Variants in ZFHX3 observed in about 807,000 individuals in gnomAD.
ZFHX3 encodes zinc finger homeobox protein 3.
ZFHX3 carries 42 observed loss-of-function variants against 279.1 expected under a neutral mutation model. The observed-to-expected ratio is 0.15, with a 90% CI of 0.12 to 0.19. The LOEUF (loss-of-function observed/expected upper bound fraction) is 0.19, where lower values mean the gene tolerates loss of function less well. ZFHX3 is among the 10% of genes least tolerant of loss of function. The pLI is 1.00. For synonymous variants in ZFHX3, 2,293 were observed against 1,957.8 expected (o/e 1.17, Z -4.52); for missense variants, 4,981 against 4,754.0 (o/e 1.05, Z -1.40).
At chr16:73,185,194 T>C (rs1967884487) in intron 5 of ZFHX3, among the ~76,000 whole-genome samples, 1 of 152,184 alleles carries the variant, frequency 6.6e-6, no homozygotes, top group African/African-American at 2.4e-5. Flanking sequence ...ATAAGAGCCA[T>C]ATTAGAATGA....
chr16:73,270,004 T>G (rs2014096841), intron 4 of ZFHX3, among the ~76,000 whole-genome samples: 1 of 152,164 alleles, frequency 6.6e-6, no homozygotes, highest in South Asian at 2.1e-4. Flanking sequence ...CACCTCGGGC[T>G]TCCAAAGTGC....
chr16:72,989,356 A>G (rs1962980043), intron 1 of ZFHX3, among the ~76,000 whole-genome samples: 1 of 151,808 alleles, frequency 6.6e-6, no homozygotes, highest in Admixed American at 6.6e-5. Flanking sequence ...GTGCTGCATG[A>G]CAGTAATCCA....
intron 3 of ZFHX3, among the ~76,000 whole-genome samples, chr16:73,446,741 T>A (rs7198763): frequency 0.67 from 101,828 of 151,910 alleles, 34,489 homozygotes; most frequent in Non-Finnish European, 0.72. Flanking sequence ...CGGAGAGTAG[T>A]GGGTGAAAGG....
intron 4 of ZFHX3, among the ~76,000 whole-genome samples, chr16:73,259,636 T>C (rs1164699272): frequency 1.3e-5 from 2 of 152,192 alleles, no homozygotes; most frequent in African/African-American, 4.8e-5. Flanking sequence ...ATGAAATCTA[T>C]CAAAATTTCA....
Position 73,211,150 on chromosome 16 carries a change from C to T in ZFHX3, c.-1104+45897G>A, listed in dbSNP as rs138531597. 5.9e-5 allele frequency among the ~76,000 whole-genome samples: 9 copies of T among 152,282 alleles called. No homozygotes were observed. In the East Asian group the frequency reaches 1.7e-3, roughly 29 times the overall value. Reference sequence around the variant, plus strand: ...TCACTTTGCCATTACTTACCAGCCACAAATGGTTGGTTGATGAGGACCATA... The same window carrying T: ...TCACTTTGCCATTACTTACCAGCCATAAATGGTTGGTTGATGAGGACCATA... On this transcript the variant is annotated intron_variant, in intron 5 of 17. Coordinates refer to the ZFHX3 transcript ENST00000641206.
intron 3 of ZFHX3, among the ~76,000 whole-genome samples, chr16:72,934,610 T>A (rs1960013039): frequency 6.6e-6 from 1 of 152,294 alleles, no homozygotes; most frequent in Non-Finnish European, 1.5e-5. Context: ...AGCTTGCCCC[T>A]CCCTCCCAGA....
chr16:72,871,875 C>T (rs1010126090), intron 4 of ZFHX3, among the ~76,000 whole-genome samples: 8 of 152,086 alleles, frequency 5.3e-5, no homozygotes, highest in Non-Finnish European at 7.4e-5. Flanking sequence ...CACGAGGTCA[C>T]GAGATGAAGA....
intron 2 of ZFHX3, among the ~76,000 whole-genome samples, chr16:73,524,883 T>C (rs2019666179): frequency 6.6e-6 from 1 of 152,190 alleles, no homozygotes; most frequent in Non-Finnish European, 1.5e-5. Context: ...TTTGCTCTAT[T>C]TTCACAGAGG....
chr16:73,297,481 C>T (rs1455112974), intron 4 of ZFHX3, among the ~76,000 whole-genome samples: 1 of 151,992 alleles, frequency 6.6e-6, no homozygotes, highest in African/African-American at 2.4e-5. Context: ...ATATCCAACC[C>T]CTATTTTTAG....
intron 5 of ZFHX3, among the ~76,000 whole-genome samples, chr16:72,828,709 TTTTTATTTTTA>T (rs1418446186): frequency 2.6e-5 from 4 of 152,068 alleles, no homozygotes; most frequent in Admixed American, 2.0e-4. Flanking sequence ...CCTTAGTAAT[TTTTTATTTTTA>T]TTTTATTTTT....
intron 1 of ZFHX3, among the ~76,000 whole-genome samples, chr16:73,745,562 C>T (rs1470786183): frequency 6.6e-6 from 1 of 152,176 alleles, no homozygotes; most frequent in African/African-American, 2.4e-5. Flanking sequence ...CATTAAAATT[C>T]AACTTTACAA....
chr16:73,686,733 C>T (rs2053088829), intron 1 of ZFHX3, among the ~76,000 whole-genome samples: 1 of 151,988 alleles, frequency 6.6e-6, no homozygotes, highest in Admixed American at 6.6e-5. Flanking sequence ...GCAGTCAGGC[C>T]TAGACTTGTG....
intron 1 of ZFHX3, among the ~76,000 whole-genome samples, chr16:73,691,722 T>C (rs576680931): frequency 3.3e-5 from 5 of 152,336 alleles, no homozygotes; most frequent in African/African-American, 1.2e-4. Context: ...GGGCCTGAAT[T>C]TGAACCCAGA....
intron 2 of ZFHX3, among the ~76,000 whole-genome samples, chr16:73,560,240 G>A (rs1567518891): frequency 1.7e-5 from 1 of 60,584 alleles, no homozygotes; most frequent in Non-Finnish European, 3.1e-5. Context: ...TGCAAGAGAT[G>A]CTCATTGCTA....
At chr16:73,078,789 C>T (rs1386951033) in intron 8 of ZFHX3, among the ~76,000 whole-genome samples, 6 of 151,968 alleles carry the variant, frequency 3.9e-5, no homozygotes, top group South Asian at 4.2e-4. Context: ...GGACTACAGG[C>T]GTCCGCCACC....
chr16:72,873,013 C>G (rs951935601), intron 4 of ZFHX3, among the ~76,000 whole-genome samples: 15 of 152,190 alleles, frequency 9.9e-5, no homozygotes, highest in African/African-American at 3.4e-4. Flanking sequence ...CCAGTTTCAG[C>G]CTGACTCTCT....
Position 72,874,062 on chromosome 16 carries a change from C to T in ZFHX3, c.3448+15669G>A, listed in dbSNP as rs971534166. Among the ~76,000 whole-genome samples the T allele has an allele frequency of 3.3e-5, 5 of 152,012 alleles. No homozygotes were observed. The East Asian group carries it at 9.6e-4, about 29-fold the overall frequency. ...CCCGAGGACAGTCATATGATGCAGT[C>T]CCAGCCAATGAGATGTAAGATAAAG... is the stretch of plus-strand genomic sequence containing the variant. On this transcript the variant is annotated intron_variant, in intron 4 of 9. Coordinates refer to ENST00000268489, the MANE Select transcript of ZFHX3 (RefSeq NM_006885.4).
intron 3 of ZFHX3, among the ~76,000 whole-genome samples, chr16:73,434,001 G>A (rs972819265): frequency 2.0e-4 from 30 of 152,194 alleles, no homozygotes; most frequent in African/African-American, 7.2e-4. Flanking sequence ...GGAGGGGGGC[G>A]AGCTGGAAGA....
intron 4 of ZFHX3, among the ~76,000 whole-genome samples, chr16:73,317,741 C>A (rs550610905): frequency 6.6e-6 from 1 of 152,106 alleles, no homozygotes; most frequent in African/African-American, 2.4e-5. Flanking sequence ...ACTCATCAAA[C>A]GGCGGCCAGT....
Sources: allele counts gnomAD v4.1 joint callset (sites outside exome capture counted in the v4.1 genomes callset), GRCh38; gene constraint gnomAD v4.1.1; transcripts MANE v1.5; gene names NCBI Gene and HGNC (gene_info 2026-07-23, HGNC 2026-07-21).